The following MICU3 variants were observed in gnomAD, a reference collection of about 807,000 sequenced individuals.
MICU3 encodes the protein mitochondrial calcium uptake 3.
MICU3 carries 62 observed loss-of-function variants against 66.5 expected under a neutral mutation model. The observed-to-expected ratio is 0.93, with a 90% CI of 0.76 to 1.15. The LOEUF is 1.15. Ranked by LOEUF, MICU3 falls within the 50% of genes most tolerant of loss-of-function variation. The probability of loss-of-function intolerance (pLI) is 0.00; values close to 1 mark genes in which losing one functional copy is unlikely to be tolerated. For missense variants in MICU3, 779 were observed against 664.4 expected (o/e 1.17, Z -1.90); for synonymous variants, 308 against 240.7 (o/e 1.28, Z -2.59).
chr8:17,100,740 T>C (rs2150801269), intron 9 of MICU3, among the ~76,000 whole-genome samples: 1 of 151,816 alleles, frequency 6.6e-6, no homozygotes, highest in South Asian at 2.1e-4. Flanking sequence ...AAACTCCGTG[T>C]CTCCAATTAC....
chr8:17,060,470 C>T (rs763864045), intron 1 of MICU3, among the ~76,000 whole-genome samples: 33 of 152,002 alleles, frequency 2.2e-4, no homozygotes, highest in Non-Finnish European at 4.6e-4. Flanking sequence ...CACCACCACA[C>T]CCGGCCAATT....
In MICU3 at chr8:17,027,351, C is replaced by T; in HGVS notation, c.72C>T (p.Leu24=). 6.6e-7 allele frequency: 1 copy of T among 1,511,952 alleles called. No homozygotes were observed. The highest frequency in any genetic ancestry group is 8.8e-7 in the Non-Finnish European group (1 of 1,140,064). 93.7% of individuals were successfully genotyped at this position (1,511,952 alleles called of 1,614,324 possible). A position where few individuals can be genotyped will look rare whatever the true frequency, so the allele number is the denominator to read the frequency against. The change falls in exon 1 of 15, where the codon CTC becomes CTT. Residue 24 remains leucine (L), a synonymous_variant. Coordinates refer to ENST00000318063, the MANE Select transcript of MICU3 (RefSeq NM_181723.3). ...VSPPLCAHQP[L]LGPWGRPAVT... ...CTCCACTCTGCGCTCACCAGCCCCT[C>T]CTTGGGCCGTGGGGGCGGCCTGCGG...
the MICU3 span, among the ~76,000 whole-genome samples, chr8:17,129,237 A>G: frequency 6.6e-6 from 1 of 152,234 alleles, no homozygotes; most frequent in Non-Finnish European, 1.5e-5. Flanking sequence ...TGTAGTATCC[A>G]TAACATCCAC....
At chr8:17,088,841 A>T (rs1471553309) in intron 7 of MICU3, among the ~76,000 whole-genome samples, 3 of 152,000 alleles carry the variant, frequency 2.0e-5, no homozygotes, top group Non-Finnish European at 4.4e-5. Context: ...CAGCCAAGGT[A>T]TAAGAAATTT....
Position 17,104,494 on chromosome 8 carries a change from G to T in MICU3, c.1085+3G>T. ...CTCAACTTTGAAGATTTTTATAGGT[G>T]AGCTTATTTTTATATTTTTATTAAA... On this transcript the variant is annotated splice_donor_region_variant and intron_variant, in intron 10 of 14. Transcript: ENST00000318063. 3.6e-6 allele frequency: 5 copies of T among 1,380,566 alleles called. No homozygotes were observed. The highest frequency in any genetic ancestry group is 3.6e-5 in the South Asian group (2 of 56,196). 85.5% of individuals were successfully genotyped at this position (1,380,566 alleles called of 1,614,324 possible). A position where few individuals can be genotyped will look rare whatever the true frequency, so the allele number is the denominator to read the frequency against.
In MICU3 at chr8:17,066,290, T is replaced by C. The variant is rs112908261; in HGVS notation, c.535+2053T>C. On this transcript the variant is annotated intron_variant, in intron 2 of 14. Transcript: ENST00000318063. ...TGTATTAAGGTTCTTTTCTGTGTGCTAAGGGGGATACAAAGTCTGTGCACT... is the reference window on the plus strand; with the variant it reads ...TGTATTAAGGTTCTTTTCTGTGTGCCAAGGGGGATACAAAGTCTGTGCACT... 6.6e-5 allele frequency among the ~76,000 whole-genome samples: 10 copies of C among 151,624 alleles called. 1 individual carries two copies. Among genetic ancestry groups the C allele is most frequent in the African/African-American group, 2.4e-4 (10 of 41,410 alleles).
At chr8:17,112,786 G>C (rs1281912778) in intron 11 of MICU3, among the ~76,000 whole-genome samples, 4 of 152,164 alleles carry the variant, frequency 2.6e-5, no homozygotes, top group Non-Finnish European at 4.4e-5. Context: ...ACAGTAGCCT[G>C]TCACTCAGAC....
At chr8:17,116,704 A>G in intron 13 of MICU3, 104 bp downstream of exon 13, 1 of 845,186 alleles carries the variant, frequency 1.2e-6, no homozygotes, top group South Asian at 2.0e-5. Flanking sequence ...TAAGGATATA[A>G]ACATGAATGC....
intron 1 of MICU3, among the ~76,000 whole-genome samples, chr8:17,032,843 G>T (rs964122862): frequency 3.9e-5 from 6 of 152,086 alleles, no homozygotes; most frequent in African/African-American, 1.4e-4. Flanking sequence ...ATGTTTCTGT[G>T]TCATGTTTTG....
In MICU3 at chr8:17,116,381, T is replaced by A. The variant is rs1423368625; in HGVS notation, c.1367-62T>A. The A allele has an allele frequency of 2.7e-6, 3 of 1,091,252 alleles. No homozygotes were observed. In the African/African-American group the frequency reaches 5.0e-5, roughly 18 times the overall value. The allele number at this position is 1,091,252 out of a possible 1,614,324, so 67.6% of individuals were successfully genotyped here. A position where few individuals can be genotyped will look rare whatever the true frequency, so the allele number is the denominator to read the frequency against. On this transcript the variant is annotated intron_variant, in intron 12 of 14. Coordinates refer to ENST00000318063, the MANE Select transcript of MICU3 (RefSeq NM_181723.3). ...ACAACTTCTTTTACAACCTTTCTAG[T>A]AATTAACACATATTATAAAAATAAT... is the stretch of plus-strand genomic sequence containing the variant.
At chr8:17,057,935 C>T (rs935328259) in intron 1 of MICU3, among the ~76,000 whole-genome samples, 4 of 152,030 alleles carry the variant, frequency 2.6e-5, no homozygotes, top group Non-Finnish European at 4.4e-5. Context: ...GCAGCCTCTA[C>T]GTCTCAGGTT....
chr8:17,105,144 G>A (rs898162852), intron 10 of MICU3, among the ~76,000 whole-genome samples: 12 of 151,742 alleles, frequency 7.9e-5, no homozygotes, highest in African/African-American at 2.9e-4. Context: ...TTGCTATTCT[G>A]CAAGGTACTT....
intron 8 of MICU3, among the ~76,000 whole-genome samples, chr8:17,093,842 C>T (rs1800356433): frequency 6.6e-6 from 1 of 151,802 alleles, no homozygotes; most frequent in Non-Finnish European, 1.5e-5. Flanking sequence ...GATGATGAAG[C>T]TTTCCCTGAT....
chr8:17,136,300 TA>T, the MICU3 span, among the ~76,000 whole-genome samples: 2 of 152,096 alleles, frequency 1.3e-5, no homozygotes, highest in Non-Finnish European at 2.9e-5. Flanking sequence ...ACAGCAACAA[TA>T]AAAAAGTTAT....
chr8:17,113,826 C>A (rs1802428607), intron 11 of MICU3, among the ~76,000 whole-genome samples: 2 of 149,500 alleles, frequency 1.3e-5, no homozygotes, highest in South Asian at 2.1e-4. Context: ...TTTATTGGAG[C>A]TTTTTTTTTG....
Position 17,090,575 on chromosome 8 carries a change from T to C in MICU3, c.879T>C (p.Pro293=), listed in dbSNP as rs1342260519. Reference sequence around the variant, plus strand: ...TTCAACTTTATGGATACCATTCTCCTACTAATAGTGTATGTACAATACTTT... The same window carrying C: ...TTCAACTTTATGGATACCATTCTCCCACTAATAGTGTATGTACAATACTTT... ...LRLQLYGYHS[P]TNSVLKTDAE... is the part of the protein sequence containing the mutation. The change falls in exon 8 of 15, where the codon CCT becomes CCC. Residue 293 remains proline (P), a synonymous_variant. Transcript: ENST00000318063. 3 of 1,609,958 alleles carry C rather than the reference T, an allele frequency of 1.9e-6. No individual in the cohort carries two copies. Among genetic ancestry groups the C allele is most frequent in the Non-Finnish European group, 2.5e-6 (3 of 1,177,230 alleles).
chr8:17,114,390 C>T (rs1381681443), intron 12 of MICU3, among the ~76,000 whole-genome samples, 189 bp downstream of exon 12: 9 of 152,070 alleles, frequency 5.9e-5, no homozygotes, highest in Non-Finnish European at 5.9e-5. Context: ...ACCTCATGGC[C>T]ACTGGGTGAC....
chr8:17,134,551 T>G, the MICU3 span, among the ~76,000 whole-genome samples: 2 of 152,038 alleles, frequency 1.3e-5, no homozygotes, highest in Non-Finnish European at 1.5e-5. Context: ...TTCATACCAT[T>G]CTCCTGCCTC....
At chr8:17,134,249 G>A in the MICU3 span, 3 of 152,208 alleles carry the variant, frequency 2.0e-5, no homozygotes, top group African/African-American at 2.4e-5. Context: ...GAGGTGGCAA[G>A]CTGGAGACTC....
Sources: allele counts gnomAD v4.1 joint callset (sites outside exome capture counted in the v4.1 genomes callset), GRCh38; gene constraint gnomAD v4.1.1; transcripts MANE v1.5; gene names NCBI Gene and HGNC (gene_info 2026-07-23, HGNC 2026-07-21).